DYNC1I1: variants seen among roughly 807,000 people sequenced by gnomAD.
DYNC1I1 encodes dynein cytoplasmic 1 intermediate chain 1.
Under a neutral mutation model 86.6 loss-of-function variants are expected in DYNC1I1, and 43 were observed. The observed-to-expected ratio is 0.50, with a 90% CI of 0.39 to 0.64. The LOEUF (loss-of-function observed/expected upper bound fraction) is 0.64. DYNC1I1 is among the 30% of genes least tolerant of loss of function. The probability of loss-of-function intolerance (pLI) is 0.00; values close to 1 mark genes in which losing one functional copy is unlikely to be tolerated. For missense variants in DYNC1I1, 604 were observed against 788.8 expected (o/e 0.77, Z 2.81); for synonymous variants, 262 against 283.7 (o/e 0.92, Z 0.77).
chr7:96,080,867 C>T (rs536129906), intron 16 of DYNC1I1, among the ~76,000 whole-genome samples: 3 of 152,036 alleles, frequency 2.0e-5, no homozygotes, highest in South Asian at 2.1e-4. Context: ...GTCAGGAGTT[C>T]GAGACCAGGC....
rs71127429 is a variant in DYNC1I1, at chr7:95,823,952, CTATA to C, written c.315-4081_315-4078del. 2.9e-3 allele frequency among the ~76,000 whole-genome samples: 225 copies of C among 77,872 alleles called. 12 individuals carry two copies. In the East Asian group the frequency reaches 0.032, roughly 11 times the overall value. 51.1% of individuals were successfully genotyped at this position (77,872 alleles called of 152,430 possible). Reference sequence around the variant, plus strand: ...TTACTTTCAGATTTGTTCTACTAAACTATATATATATATATATATATATATATGT... The same window carrying C: ...TTACTTTCAGATTTGTTCTACTAAACTATATATATATATATATATATATGT... On this transcript the variant is annotated intron_variant, in intron 4 of 16. Coordinates refer to ENST00000447467, the MANE Select transcript of DYNC1I1 (RefSeq NM_001135556.2).
chr7:96,030,711 GT>G (rs1052253297), intron 11 of DYNC1I1, among the ~76,000 whole-genome samples: 1 of 152,064 alleles, frequency 6.6e-6, no homozygotes, highest in Admixed American at 6.6e-5. Context: ...CCATTCTTCA[GT>G]TTTACTAAGT....
intron 1 of DYNC1I1, among the ~76,000 whole-genome samples, chr7:95,779,438 G>A (rs1301297948): frequency 2.0e-5 from 3 of 152,174 alleles, no homozygotes; most frequent in Non-Finnish European, 4.4e-5. Context: ...GACAATCAGT[G>A]TACAGGCCCC....
rs868251408 is a variant in DYNC1I1 at position 96,109,651 on chromosome 7, G to A, written c.1543-328G>A. On this transcript the variant is annotated intron_variant, in intron 16 of 16. Transcript: ENST00000537881. ...TGGTTTCTTATTTTCCCTATAGGTT[G>A]TATAGAAGTATATGGTTTATTCTTC... Among the ~76,000 whole-genome samples the A allele has an allele frequency of 5.9e-5, 9 of 152,152 alleles. No homozygotes were observed. In the South Asian group the frequency reaches 1.7e-3, roughly 28 times the overall value.
intron 16 of DYNC1I1, among the ~76,000 whole-genome samples, chr7:96,086,457 C>T (rs1397503590): frequency 2.0e-5 from 3 of 152,210 alleles, no homozygotes; most frequent in Admixed American, 2.0e-4. Context: ...AAAATGGAAA[C>T]TTAAAAACCA....
intron 5 of DYNC1I1, among the ~76,000 whole-genome samples, chr7:95,855,772 G>T (rs553053032): frequency 6.6e-6 from 1 of 152,124 alleles, no homozygotes; most frequent in Non-Finnish European, 1.5e-5. Context: ...ACATGGAAAA[G>T]GTACAGTAAA....
At chr7:96,034,116 C>T (rs566623875) in intron 12 of DYNC1I1, among the ~76,000 whole-genome samples, 6 of 152,008 alleles carry the variant, frequency 3.9e-5, no homozygotes, top group East Asian at 3.9e-4. Context: ...CCACAAAATA[C>T]GGATGTAAAG....
chr7:96,006,707 A>G (rs756520747), intron 10 of DYNC1I1, among the ~76,000 whole-genome samples: 5 of 152,200 alleles, frequency 3.3e-5, no homozygotes, highest in Non-Finnish European at 5.9e-5. Flanking sequence ...TTTTTGAAAA[A>G]CAAATCATCA....
rs1255876078 is a variant in DYNC1I1, at chr7:95,833,427, G to C, written c.374+5311G>C. ...GTGATGCCTCCAGCTTTGTTCTTTT[G>C]GCTTAGGATTGACTTGGTGATGGGG... On this transcript the variant is annotated intron_variant, in intron 5 of 16. Transcript: ENST00000447467. Among the ~76,000 whole-genome samples, 3 of 149,104 alleles carry C rather than the reference G, an allele frequency of 2.0e-5. No homozygotes were observed. The South Asian group carries it at 6.6e-4, about 33-fold the overall frequency.
At chr7:96,026,241 G>C (rs1291786544) in intron 10 of DYNC1I1, among the ~76,000 whole-genome samples, 1 of 152,106 alleles carries the variant, frequency 6.6e-6, no homozygotes, top group Non-Finnish European at 1.5e-5. Flanking sequence ...ATTCAAAGTA[G>C]GGAAACATGA....
intron 14 of DYNC1I1, among the ~76,000 whole-genome samples, chr7:96,043,676 C>T (rs868764080): frequency 1.8e-4 from 27 of 152,082 alleles, no homozygotes; most frequent in African/African-American, 6.5e-4. Context: ...CAAATACTAA[C>T]TGTATATTTG....
At chr7:95,869,289 A>G (rs1452783551) in intron 5 of DYNC1I1, among the ~76,000 whole-genome samples, 2 of 152,144 alleles carry the variant, frequency 1.3e-5, no homozygotes, top group Admixed American at 1.3e-4. Context: ...CTAAGGCTTT[A>G]TCACTCTGAG....
At chr7:95,983,603 G>A (rs531754327) in intron 7 of DYNC1I1, among the ~76,000 whole-genome samples, 4 of 152,150 alleles carry the variant, frequency 2.6e-5, no homozygotes, top group Non-Finnish European at 5.9e-5. Context: ...TGACACTACA[G>A]ATTTCTTAGG....
intron 10 of DYNC1I1, among the ~76,000 whole-genome samples, chr7:96,006,557 C>T (rs1794147780): frequency 6.6e-6 from 1 of 152,162 alleles, no homozygotes; most frequent in Non-Finnish European, 1.5e-5. Flanking sequence ...TTAGAACATT[C>T]CAATGTGTTC....
At chr7:95,986,624 A>T (rs1347079158) in intron 8 of DYNC1I1, among the ~76,000 whole-genome samples, 1 of 152,134 alleles carries the variant, frequency 6.6e-6, no homozygotes, top group African/African-American at 2.4e-5. Flanking sequence ...AAATAAAAAC[A>T]TGCATATCAT....
At chr7:96,057,041 G>T (rs1253812184) in intron 14 of DYNC1I1, among the ~76,000 whole-genome samples, 2 of 152,154 alleles carry the variant, frequency 1.3e-5, no homozygotes, top group African/African-American at 4.8e-5. Flanking sequence ...CTAACCATTA[G>T]TCTCATAAAC....
chr7:95,786,478 A>G (rs1423450371), intron 1 of DYNC1I1, among the ~76,000 whole-genome samples: 1 of 152,112 alleles, frequency 6.6e-6, no homozygotes, highest in Admixed American at 6.5e-5. Context: ...CTCCCATATT[A>G]CATGCTTTTT....
chr7:96,020,813 A>G (rs1794527482), intron 10 of DYNC1I1, among the ~76,000 whole-genome samples: 1 of 152,180 alleles, frequency 6.6e-6, no homozygotes, highest in Admixed American at 6.6e-5. Flanking sequence ...ATTCAGCCTT[A>G]AAAAGGAAAG....
In DYNC1I1 at chr7:95,856,389, A is replaced by C. The variant is rs1789724377; in HGVS notation, c.375-13494A>C. 2.6e-5 allele frequency among the ~76,000 whole-genome samples: 4 copies of C among 152,324 alleles called. No homozygotes were observed. In the South Asian group the frequency reaches 8.3e-4, roughly 32 times the overall value. On this transcript the variant is annotated intron_variant, in intron 5 of 16. Coordinates refer to ENST00000447467, the MANE Select transcript of DYNC1I1 (RefSeq NM_001135556.2). The stretch of plus-strand genomic sequence containing the variant: ...TGAGGCTCTTCATTAGAAATGTCAC[A>C]CTTTTCAGAAATATGTCGATGGCCG...
Sources: allele counts gnomAD v4.1 joint callset (sites outside exome capture counted in the v4.1 genomes callset), GRCh38; gene constraint gnomAD v4.1.1; transcripts MANE v1.5; gene names NCBI Gene and HGNC (gene_info 2026-07-23, HGNC 2026-07-21).